The following PARD3B variants were observed in gnomAD, a reference collection of about 807,000 sequenced individuals.
PARD3B encodes partitioning defective 3 homolog B.
In PARD3B, 103 loss-of-function variants were observed where a neutral mutation model predicts 130.2. The ratio of observed to expected loss-of-function variants is 0.79; its 90% CI spans 0.67 to 0.93. The LOEUF is 0.93. Ranked by LOEUF, PARD3B falls within the 40% of genes least tolerant of loss-of-function variation. The probability of loss-of-function intolerance (pLI) is 0.00; values close to 1 mark genes in which losing one functional copy is unlikely to be tolerated. For synonymous variants in PARD3B, 583 were observed against 553.2 expected, an observed-to-expected ratio of 1.05 and a Z score of -0.76; for missense variants, 1,609 against 1,499.2, an observed-to-expected ratio of 1.07 and a Z score of -1.21.
rs114349068 is a variant in PARD3B, at chr2:204,862,055, C to A, written c.223-103097C>A. Among the ~76,000 whole-genome samples, 367 of 150,980 alleles carry A rather than the reference C, an allele frequency of 2.4e-3. 1 individual carries two copies. The highest frequency in any genetic ancestry group is 8.5e-3 in the African/African-American group (348 of 41,126). On this transcript the variant is annotated intron_variant, in intron 2 of 22. Coordinates refer to ENST00000406610, the MANE Select transcript of PARD3B (RefSeq NM_001302769.2). ...CATGTTTATATTAGGTAAAGAGGGT[C>A]TAAATCATGTATGACTGTTTTTACC...
intron 2 of PARD3B, among the ~76,000 whole-genome samples, chr2:204,911,801 G>T (rs1469027671): frequency 6.6e-6 from 1 of 152,086 alleles, no homozygotes; most frequent in Non-Finnish European, 1.5e-5. Flanking sequence ...ATGTTAACTG[G>T]CTTGAAAGTG....
At chr2:204,595,193 CCTT>C (rs773644223) in intron 1 of PARD3B, among the ~76,000 whole-genome samples, 1 of 152,176 alleles carries the variant, frequency 6.6e-6, no homozygotes, top group African/African-American at 2.4e-5. Flanking sequence ...GAAGTCATCA[CCTT>C]CTTCTATGGT....
At chr2:205,560,424 G>A (rs1008625020) in intron 22 of PARD3B, among the ~76,000 whole-genome samples, 1 of 151,964 alleles carries the variant, frequency 6.6e-6, no homozygotes, top group Non-Finnish European at 1.5e-5. Context: ...AGTTTAGTGT[G>A]TAATTGCTAG....
chr2:204,867,042 C>G (rs1029973167), intron 2 of PARD3B, among the ~76,000 whole-genome samples: 3 of 151,884 alleles, frequency 2.0e-5, no homozygotes, highest in African/African-American at 7.3e-5. Flanking sequence ...GCAGTCCAGC[C>G]TGGGCAATGA....
chr2:205,417,214 A>G (rs1031288667), intron 19 of PARD3B, among the ~76,000 whole-genome samples: 1 of 151,808 alleles, frequency 6.6e-6, no homozygotes, highest in Non-Finnish European at 1.5e-5. Context: ...TTTGCTCAGA[A>G]TGATGGTTTC....
At chr2:204,719,548 C>T (rs983346971) in intron 2 of PARD3B, among the ~76,000 whole-genome samples, 1 of 152,150 alleles carries the variant, frequency 6.6e-6, no homozygotes, top group Non-Finnish European at 1.5e-5. Context: ...TGAAAATATG[C>T]TGATTCTTAA....
rs1171291442 is a variant in PARD3B, at chr2:205,139,170, A to T, written c.1434+13433A>T. Among the ~76,000 whole-genome samples the T allele has an allele frequency of 2.0e-5, 3 of 151,826 alleles. No homozygotes were observed. In the East Asian group the frequency reaches 5.8e-4, roughly 29 times the overall value. ...TAAGAGAGAAATGTAGCCAAAATTTATCAGTATTTTTTTTTTTTAAGAAAA... is the reference window on the plus strand; with the variant it reads ...TAAGAGAGAAATGTAGCCAAAATTTTTCAGTATTTTTTTTTTTTAAGAAAA... On this transcript the variant is annotated intron_variant, in intron 10 of 22. Transcript: ENST00000406610.
intron 2 of PARD3B, among the ~76,000 whole-genome samples, chr2:204,822,601 A>T (rs2043404184): frequency 6.6e-6 from 1 of 152,132 alleles, no homozygotes; most frequent in Non-Finnish European, 1.5e-5. Context: ...TCTCTTAGGT[A>T]CCTGTGCAGC....
chr2:205,022,739 A>G (rs1262937721), intron 3 of PARD3B, among the ~76,000 whole-genome samples: 1 of 152,178 alleles, frequency 6.6e-6, no homozygotes, highest in East Asian at 1.9e-4. Flanking sequence ...TCTTCATAAT[A>G]CGATCATTCA....
chr2:205,072,476 C>T (rs1700801627), intron 4 of PARD3B, among the ~76,000 whole-genome samples: 1 of 152,068 alleles, frequency 6.6e-6, no homozygotes, highest in African/African-American at 2.4e-5. Context: ...GTCTCAAACT[C>T]CTGACCTTGG....
intron 3 of PARD3B, among the ~76,000 whole-genome samples, chr2:205,012,922 C>T (rs1023402046): frequency 1.3e-5 from 2 of 152,200 alleles, no homozygotes; most frequent in Admixed American, 6.5e-5. Context: ...AATGAAAGCA[C>T]TTCCAAAATA....
intron 2 of PARD3B, among the ~76,000 whole-genome samples, chr2:204,945,844 C>T (rs949475931): frequency 6.9e-6 from 1 of 144,842 alleles, no homozygotes; most frequent in Non-Finnish European, 1.5e-5. Context: ...ATTTCTTTTC[C>T]TGTTAACCTC....
intron 2 of PARD3B, among the ~76,000 whole-genome samples, chr2:204,803,329 G>A (rs7580648): frequency 0.24 from 36,142 of 151,658 alleles, 7,359 homozygotes; most frequent in African/African-American, 0.55. Flanking sequence ...ATAAACAATA[G>A]GAAATCATCT....
chr2:205,561,194 T>A (rs1034624464), intron 22 of PARD3B, among the ~76,000 whole-genome samples: 1 of 152,196 alleles, frequency 6.6e-6, no homozygotes, highest in Non-Finnish European at 1.5e-5. Flanking sequence ...TCTTGTTCTC[T>A]TCTACAATGA....
intron 2 of PARD3B, among the ~76,000 whole-genome samples, chr2:204,795,241 C>A (rs2042329384): frequency 1.3e-5 from 2 of 152,296 alleles, no homozygotes; most frequent in East Asian, 1.9e-4. Context: ...TGTCCCCTTT[C>A]TCCCTCAATT....
At chr2:205,392,392 C>A (rs114887274) in intron 18 of PARD3B, among the ~76,000 whole-genome samples, 2,694 of 152,250 alleles carry the variant, frequency 0.018, 80 homozygotes, top group African/African-American at 0.06. Context: ...GTAGCTGCTA[C>A]ATCTTGGCTG....
In PARD3B at chr2:204,551,596, TG is replaced by T. The variant is rs568554484; in HGVS notation, c.120+5478del. On this transcript the variant is annotated intron_variant, in intron 1 of 22. Coordinates refer to ENST00000406610, the MANE Select transcript of PARD3B (RefSeq NM_001302769.2). ...CACACACACATCCCCACACACCCTC[TG>T]TGTATAATCCATGCACATAGGGTTT... Among the ~76,000 whole-genome samples the T allele has an allele frequency of 2.7e-4, 41 of 152,246 alleles. No homozygotes were observed. In the East Asian group the frequency reaches 7.4e-3, roughly 27 times the overall value.
At chr2:205,608,325 G>A (rs921658452) in intron 22 of PARD3B, among the ~76,000 whole-genome samples, 5 of 152,074 alleles carry the variant, frequency 3.3e-5, no homozygotes, top group Non-Finnish European at 7.4e-5. Flanking sequence ...AATCCACAGT[G>A]TTTAGATACT....
intron 15 of PARD3B, among the ~76,000 whole-genome samples, chr2:205,235,435 A>G (rs1257320840): frequency 2.6e-5 from 4 of 152,116 alleles, no homozygotes. Flanking sequence ...AAGAAAACAG[A>G]AAAAGTAGAG....
Sources: gnomAD v4.1 joint callset for allele counts (sites outside exome capture counted in the v4.1 genomes callset) on GRCh38, gnomAD v4.1.1 for gene constraint, MANE v1.5 for transcripts, NCBI Gene and HGNC (gene_info 2026-07-23, HGNC 2026-07-21) for gene names.